Variants in BTBD9 observed in about 807,000 individuals in gnomAD.
BTBD9 encodes BTB/POZ domain-containing protein 9.
A neutral mutation model predicts 64.3 loss-of-function variants in BTBD9; 49 were observed. That is an observed-to-expected ratio of 0.76 (90% CI 0.61 to 0.97). The LOEUF (loss-of-function observed/expected upper bound fraction) is 0.97. Among genes scored for constraint, BTBD9 ranks in the 50% least tolerant of loss-of-function variants. The pLI, the probability that BTBD9 is intolerant of heterozygous loss-of-function variation, is 0.00. For synonymous variants in BTBD9, 260 were observed against 274.7 expected (o/e 0.95, Z 0.53); for missense variants, 598 against 762.1 (o/e 0.78, Z 2.53).
chr6:38,633,611 T>C (rs964302481), intron 1 of BTBD9, among the ~76,000 whole-genome samples: 1 of 152,228 alleles, frequency 6.6e-6, no homozygotes, highest in Non-Finnish European at 1.5e-5. Context: ...TGTGGACTTA[T>C]GACATGTTAT....
At chr6:38,447,184 T>C (rs1769312693) in intron 6 of BTBD9, among the ~76,000 whole-genome samples, 1 of 152,060 alleles carries the variant, frequency 6.6e-6, no homozygotes, top group Non-Finnish European at 1.5e-5. Context: ...TGAAAGAAAA[T>C]GTTGCAGCAG....
At chr6:38,199,223 T>C (rs1451343002) in intron 9 of BTBD9, among the ~76,000 whole-genome samples, 1 of 152,140 alleles carries the variant, frequency 6.6e-6, no homozygotes, top group East Asian at 1.9e-4. Context: ...AGGAGTTACA[T>C]GGAAGTCATA....
chr6:38,621,545 C>G (rs1015770833), intron 1 of BTBD9, among the ~76,000 whole-genome samples: 6 of 152,168 alleles, frequency 3.9e-5, no homozygotes, highest in African/African-American at 1.4e-4. Flanking sequence ...GGGACCAGCA[C>G]CCAGTTAGCA....
chr6:38,366,830 G>A (rs1034104182), intron 6 of BTBD9, among the ~76,000 whole-genome samples: 3 of 152,202 alleles, frequency 2.0e-5, no homozygotes, highest in Admixed American at 6.5e-5. Context: ...TTTTCTTCAC[G>A]TGATATATGC....
At chr6:38,531,661 TATAAAC>T (rs1311594932) in intron 6 of BTBD9, among the ~76,000 whole-genome samples, 5 of 152,306 alleles carry the variant, frequency 3.3e-5, no homozygotes, top group African/African-American at 1.2e-4. Context: ...TATAAGAAGA[TATAAAC>T]AGAAACAGCA....
At chr6:38,580,148 AAAGTAGATG>A (rs1398628802) in intron 5 of BTBD9, 61 bp downstream of exon 5, 1 of 1,438,668 alleles carries the variant, frequency 7.0e-7, no homozygotes, top group Non-Finnish European at 9.6e-7. Flanking sequence ...CTGTAAAACA[AAAGTAGATG>A]ACCACAAAGC....
Position 38,213,394 on chromosome 6 carries a change from T to A in BTBD9, c.1563-20797A>T, listed in dbSNP as rs573337514. On this transcript the variant is annotated intron_variant, in intron 9 of 10. Transcript: ENST00000481247. ...AAAATCTCTGGAGTAAAAAAAAAAA[T>A]GTTTTCCTATGATGAAAACCATTGC... Among the ~76,000 whole-genome samples, 19 of 149,160 alleles carry A rather than the reference T, an allele frequency of 1.3e-4. 1 individual carries two copies. The highest frequency in any genetic ancestry group is 4.0e-4 in the Admixed American group (6 of 15,062).
intron 6 of BTBD9, among the ~76,000 whole-genome samples, chr6:38,405,336 T>C (rs1042968345): frequency 6.6e-6 from 1 of 152,168 alleles, no homozygotes; most frequent in Non-Finnish European, 1.5e-5. Context: ...ACAGTCATTG[T>C]AGGGCTCCTG....
intron 7 of BTBD9, among the ~76,000 whole-genome samples, chr6:38,300,168 A>C (rs989727089): frequency 6.6e-5 from 10 of 152,248 alleles, no homozygotes; most frequent in African/African-American, 1.4e-4. Flanking sequence ...AGATAGTTGT[A>C]GATATGCAGC....
At chr6:38,373,679 G>C (rs1175828189) in intron 6 of BTBD9, among the ~76,000 whole-genome samples, 1 of 152,084 alleles carries the variant, frequency 6.6e-6, no homozygotes, top group African/African-American at 2.4e-5. Context: ...CTACAGGTGT[G>C]CACCACCACA....
intron 6 of BTBD9, among the ~76,000 whole-genome samples, chr6:38,469,124 G>A (rs78655785): frequency 0.041 from 6,242 of 151,720 alleles, 254 homozygotes; most frequent in African/African-American, 0.099. Context: ...ATGTGTGGAT[G>A]GTCAACAAGT....
At chr6:38,628,422 G>C (rs769479923) in intron 1 of BTBD9, among the ~76,000 whole-genome samples, 14 of 152,078 alleles carry the variant, frequency 9.2e-5, no homozygotes, top group Admixed American at 2.0e-4. Flanking sequence ...TTTTCACAAA[G>C]GTATGGGCTA....
At chr6:38,564,658 G>C (rs772503619) in intron 6 of BTBD9, among the ~76,000 whole-genome samples, 13 of 152,134 alleles carry the variant, frequency 8.5e-5, no homozygotes, top group Non-Finnish European at 1.5e-4. Context: ...GGAGGCCAAG[G>C]TGGGCGAATC....
chr6:38,567,511 T>A (rs1301203632), intron 6 of BTBD9, among the ~76,000 whole-genome samples: 1 of 152,200 alleles, frequency 6.6e-6, no homozygotes, highest in Non-Finnish European at 1.5e-5. Flanking sequence ...TCCCCCCACC[T>A]TTCTTCGCAT....
At chr6:38,386,226 G>C (rs1160623238) in intron 6 of BTBD9, among the ~76,000 whole-genome samples, 1 of 151,948 alleles carries the variant, frequency 6.6e-6, no homozygotes, top group African/African-American at 2.4e-5. Flanking sequence ...AAACAATTCT[G>C]TTTCAGAAAT....
intron 7 of BTBD9, among the ~76,000 whole-genome samples, chr6:38,336,191 C>T (rs1449299187): frequency 1.3e-5 from 2 of 152,214 alleles, no homozygotes; most frequent in African/African-American, 2.4e-5. Context: ...AGGTGGTCCA[C>T]TAGAAGGGGC....
intron 6 of BTBD9, among the ~76,000 whole-genome samples, chr6:38,392,352 TAGG>T (rs1367175284): frequency 6.6e-6 from 1 of 152,178 alleles, no homozygotes; most frequent in African/African-American, 2.4e-5. Context: ...GAGAATGGAC[TAGG>T]AGTTTTGTCA....
intron 1 of BTBD9, among the ~76,000 whole-genome samples, chr6:38,627,661 G>A (rs898445546): frequency 6.6e-5 from 10 of 152,018 alleles, no homozygotes; most frequent in South Asian, 2.1e-4. Flanking sequence ...ATGGGAGGGC[G>A]ACTTAATTTC....
At chr6:38,386,713 G>A (rs758660506) in intron 6 of BTBD9, among the ~76,000 whole-genome samples, 2 of 145,472 alleles carry the variant, frequency 1.4e-5, no homozygotes, top group Non-Finnish European at 1.5e-5. Context: ...TATGATCTTG[G>A]TGTTCTGCAA....
Sources: gnomAD v4.1 joint callset for allele counts (sites outside exome capture counted in the v4.1 genomes callset) on GRCh38, gnomAD v4.1.1 for gene constraint, MANE v1.5 for transcripts, NCBI Gene and HGNC (gene_info 2026-07-23, HGNC 2026-07-21) for gene names.